SCRG1: variants seen among roughly 807,000 people sequenced by gnomAD.
The protein encoded by SCRG1 is scrapie-responsive protein 1.
Under a neutral mutation model 7.7 loss-of-function variants are expected in SCRG1, and 3 were observed. The ratio of observed to expected loss-of-function variants is 0.39; its 90% CI spans 0.18 to 1.01. The LOEUF (loss-of-function observed/expected upper bound fraction) is 1.01, where lower values mean the gene tolerates loss of function less well. Among genes scored for constraint, SCRG1 ranks in the 50% least tolerant of loss-of-function variants. The pLI, the probability that SCRG1 is intolerant of heterozygous loss-of-function variation, is 0.36. For synonymous variants in SCRG1, 46 were observed against 41.2 expected (o/e 1.12, Z -0.44); for missense variants, 110 against 117.2 (o/e 0.94, Z 0.28).
At chr4:173,471,370 G>T in the SCRG1 span, among the ~76,000 whole-genome samples, 1 of 152,076 alleles carries the variant, frequency 6.6e-6, no homozygotes, top group Non-Finnish European at 1.5e-5. Flanking sequence ...GGCATTATTG[G>T]TATCCTAACT....
chr4:173,425,918 C>T, the SCRG1 span, among the ~76,000 whole-genome samples: 13 of 152,186 alleles, frequency 8.5e-5, no homozygotes, highest in African/African-American at 2.9e-4. Flanking sequence ...ACACATTGAG[C>T]AAGAATGCTT....
chr4:173,413,104 A>C, the SCRG1 span, among the ~76,000 whole-genome samples: 1 of 151,892 alleles, frequency 6.6e-6, no homozygotes, highest in South Asian at 2.1e-4. Context: ...TGATCTCATA[A>C]GTTGCATTTC....
At chr4:173,425,332 C>A in the SCRG1 span, among the ~76,000 whole-genome samples, 2 of 152,196 alleles carry the variant, frequency 1.3e-5, no homozygotes, top group Admixed American at 6.5e-5. Context: ...TTGCCATAAA[C>A]TCAGAAGGCA....
chr4:173,444,733 G>A, the SCRG1 span, among the ~76,000 whole-genome samples: 1 of 152,186 alleles, frequency 6.6e-6, no homozygotes, highest in South Asian at 2.1e-4. Flanking sequence ...AAGAGATGCA[G>A]TTAGAGCCTC....
chr4:173,486,340 C>G, the SCRG1 span, among the ~76,000 whole-genome samples: 1 of 152,160 alleles, frequency 6.6e-6, no homozygotes, highest in Non-Finnish European at 1.5e-5. Flanking sequence ...TTCTTTCTTA[C>G]CAAAGAGTCT....
chr4:173,476,892 A>G, the SCRG1 span, among the ~76,000 whole-genome samples: 6 of 152,272 alleles, frequency 3.9e-5, no homozygotes, highest in Admixed American at 2.6e-4. Flanking sequence ...AAGCTACCCT[A>G]ATGCTTGGAG....
intron 1 of SCRG1, among the ~76,000 whole-genome samples, chr4:173,394,377 G>C (rs1253636924): frequency 1.3e-5 from 2 of 152,040 alleles, no homozygotes; most frequent in Non-Finnish European, 2.9e-5. Flanking sequence ...AGGCGCAGTG[G>C]CTCACACCTG....
the SCRG1 span, among the ~76,000 whole-genome samples, chr4:173,493,297 T>C: frequency 5.9e-5 from 9 of 152,114 alleles, no homozygotes; most frequent in Non-Finnish European, 1.2e-4. Context: ...TTCCCCCCTC[T>C]TGCTCTCTCC....
the SCRG1 span, chr4:173,419,254 G>A: frequency 7.9e-4 from 415 of 526,570 alleles, 3 homozygotes; most frequent in African/African-American, 6.4e-3. Context: ...TTTAGCTCTC[G>A]GCAGCCCGCT....
the SCRG1 span, among the ~76,000 whole-genome samples, chr4:173,482,937 A>G: frequency 2.9e-5 from 4 of 137,228 alleles, no homozygotes; most frequent in African/African-American, 1.1e-4. Context: ...TATATTATAT[A>G]TGAAATATAT....
At chr4:173,415,823 G>T in the SCRG1 span, among the ~76,000 whole-genome samples, 2 of 152,200 alleles carry the variant, frequency 1.3e-5, no homozygotes, top group East Asian at 1.9e-4. Context: ...AGGCCTATCT[G>T]CCTCCAAATC....
At chr4:173,441,892 T>C in the SCRG1 span, among the ~76,000 whole-genome samples, 1 of 152,046 alleles carries the variant, frequency 6.6e-6, no homozygotes, top group Non-Finnish European at 1.5e-5. Flanking sequence ...ATTTAAAAAA[T>C]AAAGTCTGCG....
At chr4:173,484,445 T>C in the SCRG1 span, among the ~76,000 whole-genome samples, 1 of 25,730 alleles carries the variant, frequency 3.9e-5, no homozygotes, top group Non-Finnish European at 8.4e-5. Context: ...ACATATGATA[T>C]ATAATATATA....
At chr4:173,452,956 G>A in the SCRG1 span, among the ~76,000 whole-genome samples, 1 of 152,314 alleles carries the variant, frequency 6.6e-6, no homozygotes, top group Non-Finnish European at 1.5e-5. Context: ...ACTGTGAAAG[G>A]TCTGAGATTT....
the SCRG1 span, among the ~76,000 whole-genome samples, chr4:173,504,369 G>A: frequency 1.3e-5 from 2 of 152,132 alleles, no homozygotes; most frequent in African/African-American, 4.8e-5. The surrounding 1 kb of genome is among the most constrained non-coding windows in gnomAD (Gnocchi z 4.7). Flanking sequence ...ACAGCCTGGG[G>A]CCTTTCCTAC....
upstream of SCRG1, among the ~76,000 whole-genome samples, chr4:173,408,812 T>C (rs1216999738): frequency 6.6e-6 from 1 of 151,574 alleles, no homozygotes. Flanking sequence ...GCTAACACGG[T>C]GAAACCCCGT....
At chr4:173,476,176 C>G in the SCRG1 span, among the ~76,000 whole-genome samples, 1 of 151,282 alleles carries the variant, frequency 6.6e-6, no homozygotes, top group South Asian at 2.1e-4. Flanking sequence ...CTGTTTTGCC[C>G]TTGGTACCAA....
At chr4:173,488,556 C>T in the SCRG1 span, among the ~76,000 whole-genome samples, 1 of 152,122 alleles carries the variant, frequency 6.6e-6, no homozygotes, top group Non-Finnish European at 1.5e-5. Context: ...TATCTGGGGA[C>T]AGTCAAAGTT....
chr4:173,508,660 G>A, the SCRG1 span, among the ~76,000 whole-genome samples: 20 of 152,276 alleles, frequency 1.3e-4, no homozygotes, highest in East Asian at 2.1e-3. This position sits in a 1 kb window ranked among gnomAD's most constrained non-coding sequence, Gnocchi z 4.4. Context: ...CCTGCCGCCC[G>A]AATCTCCCCA....
Sources: gnomAD v4.1 joint callset for allele counts (sites outside exome capture counted in the v4.1 genomes callset) on GRCh38, gnomAD v4.1.1 for gene constraint, Gnocchi (gnomAD v3.1) non-coding constraint, MANE v1.5 for transcripts, NCBI Gene and HGNC (gene_info 2026-07-23, HGNC 2026-07-21) for gene names.